CDKN1A: variants seen among roughly 807,000 people sequenced by gnomAD.
CDKN1A encodes cyclin-dependent kinase inhibitor 1.
A neutral mutation model predicts 14.8 loss-of-function variants in CDKN1A; 14 were observed. The ratio of observed to expected loss-of-function variants is 0.94; its 90% CI spans 0.62 to 1.48. The LOEUF is 1.48. CDKN1A is among the 40% of genes most tolerant of loss of function. The pLI, the probability that CDKN1A is intolerant of heterozygous loss-of-function variation, is 0.00. For synonymous variants in CDKN1A, 92 were observed against 93.5 expected (o/e 0.98, Z 0.09); for missense variants, 203 against 231.7 (o/e 0.88, Z 0.80).
Position 36,680,125 on chromosome 6 carries a change from C to A in CDKN1A, c.-6+1327C>A, listed in dbSNP as rs1761865166. On this transcript the variant is annotated intron_variant, in intron 1 of 2. Coordinates refer to ENST00000244741, the MANE Select transcript of CDKN1A (RefSeq NM_000389.5). The stretch of plus-strand genomic sequence containing the variant: ...GGGTTAGGAACTTGGGGCGCCCAGG[C>A]AGCTTCCCCTCTCCTTGCCTCCCTC... 2.0e-5 allele frequency among the ~76,000 whole-genome samples: 3 copies of A among 152,168 alleles called. No individual in the cohort carries two copies. In the South Asian group the frequency reaches 6.2e-4, roughly 32 times the overall value.
intron 1 of CDKN1A, among the ~76,000 whole-genome samples, chr6:36,681,283 TC>T (rs1761944498): frequency 9.7e-6 from 1 of 103,162 alleles, no homozygotes; most frequent in Non-Finnish European, 2.1e-5. Flanking sequence ...TTTCTTTTTT[TC>T]TTTCTTTCTT....
At chr6:36,682,239 G>A (rs907987314) in intron 1 of CDKN1A, among the ~76,000 whole-genome samples, 4 of 152,196 alleles carry the variant, frequency 2.6e-5, no homozygotes, top group Non-Finnish European at 5.9e-5. Flanking sequence ...CTGTAAAAAG[G>A]GAGCTAATAG....
intron 1 of CDKN1A, among the ~76,000 whole-genome samples, chr6:36,681,738 G>A (rs922366487): frequency 4.0e-5 from 6 of 151,606 alleles, no homozygotes; most frequent in African/African-American, 1.5e-4. Flanking sequence ...GACTACAGGT[G>A]CTGCCATCAT....
At chr6:36,679,050 T>G in intron 1 of CDKN1A, 2 of 904,122 alleles carry the variant, frequency 2.2e-6, no homozygotes, top group South Asian at 1.0e-4. Context: ...GAGAGCGGGA[T>G]TACAAGTACA....
At chr6:36,685,290 T>G (rs559703253) in intron 2 of CDKN1A, among the ~76,000 whole-genome samples, 1 of 152,296 alleles carries the variant, frequency 6.6e-6, no homozygotes, top group East Asian at 1.9e-4. Flanking sequence ...GCTGAACACT[T>G]TCATGGATTT....
At chr6:36,682,402 G>A (rs948773592) in intron 1 of CDKN1A, among the ~76,000 whole-genome samples, 6 of 152,208 alleles carry the variant, frequency 3.9e-5, no homozygotes, top group African/African-American at 1.2e-4. Context: ...CCCCTTTATG[G>A]GGCAGTGGCC....
Position 36,678,910 on chromosome 6 carries a change from G to A in CDKN1A, c.-6+112G>A. 3 of 986,036 alleles carry A rather than the reference G, an allele frequency of 3.0e-6. No individual in the cohort carries two copies. The highest frequency in any genetic ancestry group is 3.6e-6 in the Non-Finnish European group (3 of 830,306). The allele number at this position is 986,036 out of a possible 1,614,324, so 61.1% of individuals were successfully genotyped here. A position where few individuals can be genotyped will look rare whatever the true frequency, so the allele number is the denominator to read the frequency against. ...CGCGAGGATGCGTGTTCGCGGGTGT[G>A]TGCTGCGTTCACAGGTGTTTCTGCG... On this transcript the variant is annotated intron_variant, in intron 1 of 2. Transcript: ENST00000244741. The surrounding 1 kb of genome is among the most constrained non-coding windows in gnomAD (Gnocchi z 5.7).
rs754567385 is a variant in CDKN1A, at chr6:36,685,839, GC to G, written c.*41del. 3 of 1,542,310 alleles carry G rather than the reference GC, an allele frequency of 1.9e-6. No homozygotes were observed. In the Admixed American group the frequency reaches 5.0e-5, roughly 26 times the overall value. On this transcript the variant is annotated 3_prime_UTR_variant, in exon 3 of 3. Coordinates refer to ENST00000244741, the MANE Select transcript of CDKN1A (RefSeq NM_000389.5). ...AGCCTGCAGTCCTGGAAGCGCGAGGGCCTCAAAGGCCCGCTCTACATCTTCT... is the reference window on the plus strand; with the variant it reads ...AGCCTGCAGTCCTGGAAGCGCGAGGGCTCAAAGGCCCGCTCTACATCTTCT...
At chr6:36,681,431 C>G (rs1453882861) in intron 1 of CDKN1A, among the ~76,000 whole-genome samples, 1 of 131,884 alleles carries the variant, frequency 7.6e-6, no homozygotes, top group Admixed American at 7.8e-5. Flanking sequence ...CTCTTTCTTT[C>G]TCTTTCTCTC....
intron 1 of CDKN1A, among the ~76,000 whole-genome samples, chr6:36,681,585 ATTTTTTTTTT>A (rs908259380): frequency 3.0e-5 from 2 of 67,452 alleles, no homozygotes; most frequent in Admixed American, 1.9e-4. Context: ...CCATGCCCAG[ATTTTTTTTTT>A]TTTTTTTTTT....
intron 1 of CDKN1A, chr6:36,682,524 C>T (rs373613589): frequency 2.0e-5 from 3 of 152,392 alleles, no homozygotes; most frequent in Non-Finnish European, 2.9e-5. Context: ...CCAGCTGGGA[C>T]GTGAAACTGT....
intron 1 of CDKN1A, among the ~76,000 whole-genome samples, chr6:36,679,986 G>A (rs2150306702): frequency 6.6e-6 from 1 of 152,300 alleles, no homozygotes; most frequent in Admixed American, 6.5e-5. Flanking sequence ...GGAGCAGGGG[G>A]GCGAGTCGCC....
Position 36,686,539 on chromosome 6 carries a change from T to C in CDKN1A, c.*739T>C. The C allele has an allele frequency of 4.3e-6, 1 of 233,956 alleles. No individual in the cohort carries two copies. The highest frequency in any genetic ancestry group is 8.4e-6 in the Non-Finnish European group (1 of 118,362). 14.5% of individuals were successfully genotyped at this position (233,956 alleles called of 1,614,324 possible). On this transcript the variant is annotated 3_prime_UTR_variant, in exon 3 of 3. Coordinates refer to ENST00000244741, the MANE Select transcript of CDKN1A (RefSeq NM_000389.5). The surrounding 1 kb of genome is among the most constrained non-coding windows in gnomAD (Gnocchi z 4.9). Reference sequence around the variant, plus strand: ...GTGTTGAGCCTTTTCCCTCTTTGGCTCCCCTGTACCTTTTGAGGAGCCCCA... The same window carrying C: ...GTGTTGAGCCTTTTCCCTCTTTGGCCCCCCTGTACCTTTTGAGGAGCCCCA...
chr6:36,679,607 C>A (rs929941571), intron 1 of CDKN1A, among the ~76,000 whole-genome samples: 1 of 152,340 alleles, frequency 6.6e-6, no homozygotes, highest in Admixed American at 6.5e-5. Flanking sequence ...CCAAGGAAGC[C>A]GGGCACTGGA....
intron 1 of CDKN1A, among the ~76,000 whole-genome samples, chr6:36,679,194 G>A (rs914422076): frequency 1.3e-5 from 2 of 152,208 alleles, no homozygotes; most frequent in Non-Finnish European, 2.9e-5. Flanking sequence ...CGCGGCGTGG[G>A]GATGAAGTCC....
At chr6:36,681,281 T>TTCC (rs1562038002) in intron 1 of CDKN1A, among the ~76,000 whole-genome samples, 3,736 of 77,718 alleles carry the variant, frequency 0.048, 159 homozygotes, top group South Asian at 0.082. Context: ...TCTTTCTTTT[T>TTCC]TTCTTTCTTT....
chr6:36,678,902 G>GCGGGTGTGTGCTGCGTTCA lies in CDKN1A; in HGVS notation c.-6+106_-6+124dup, dbSNP rs1320083285. 1 of 985,794 alleles carries GCGGGTGTGTGCTGCGTTCA rather than the reference G, an allele frequency of 1.0e-6. No homozygotes were observed. Among genetic ancestry groups the GCGGGTGTGTGCTGCGTTCA allele is most frequent in the African/African-American group, 1.7e-5 (1 of 57,272 alleles). The allele number at this position is 985,794 out of a possible 1,614,324, so 61.1% of individuals were successfully genotyped here. On this transcript the variant is annotated intron_variant, in intron 1 of 2. Coordinates refer to ENST00000244741, the MANE Select transcript of CDKN1A (RefSeq NM_000389.5). This position sits in a 1 kb window ranked among gnomAD's most constrained non-coding sequence, Gnocchi z 5.7. ...TGCGTGTCCGCGAGGATGCGTGTTC[G>GCGGGTGTGTGCTGCGTTCA]CGGGTGTGTGCTGCGTTCACAGGTG... is the stretch of plus-strand genomic sequence containing the variant.
upstream of CDKN1A, chr6:36,677,671 C>T: frequency 9.6e-6 from 4 of 418,578 alleles, no homozygotes; most frequent in South Asian, 2.1e-5. Context: ...GGTTATTTGG[C>T]ATTTTTGTCA....
Position 36,686,180 on chromosome 6 carries a change from C to T in CDKN1A, c.*380C>T, listed in dbSNP as rs1017456404. The T allele has an allele frequency of 5.5e-6, 2 of 363,422 alleles. No homozygotes were observed. Among genetic ancestry groups the T allele is most frequent in the South Asian group, 3.8e-5 (1 of 26,648 alleles). The allele number at this position is 363,422 out of a possible 1,614,324, so 22.5% of individuals were successfully genotyped here. On this transcript the variant is annotated 3_prime_UTR_variant, in exon 3 of 3. Coordinates refer to ENST00000244741, the MANE Select transcript of CDKN1A (RefSeq NM_000389.5). This position sits in a 1 kb window ranked among gnomAD's most constrained non-coding sequence, Gnocchi z 4.9. ...CCCTCTGGAGGGGTGTGGCTCCTTCCCATCGCTGTCACAGGCGGTTATGAA... is the reference window on the plus strand; with the variant it reads ...CCCTCTGGAGGGGTGTGGCTCCTTCTCATCGCTGTCACAGGCGGTTATGAA...
Sources: gnomAD v4.1 joint callset for allele counts (sites outside exome capture counted in the v4.1 genomes callset) on GRCh38, gnomAD v4.1.1 for gene constraint, Gnocchi (gnomAD v3.1) non-coding constraint, MANE v1.5 for transcripts, NCBI Gene and HGNC (gene_info 2026-07-23, HGNC 2026-07-21) for gene names.